Variants in NLGN1 observed in about 807,000 individuals in gnomAD.
NLGN1 encodes neuroligin 1.
A neutral mutation model predicts 65.5 loss-of-function variants in NLGN1; 12 were observed. The observed-to-expected ratio is 0.18, with a 90% CI of 0.12 to 0.30. NLGN1 has a LOEUF of 0.30. Ranked by LOEUF, NLGN1 falls within the 10% of genes least tolerant of loss-of-function variation. The pLI, the probability that NLGN1 is intolerant of heterozygous loss-of-function variation, is 1.00. For synonymous variants in NLGN1, 350 were observed against 359.5 expected, an observed-to-expected ratio of 0.97 and a Z score of 0.30; for missense variants, 750 against 1,007.1, an observed-to-expected ratio of 0.74 and a Z score of 3.46.
intron 4 of NLGN1, among the ~76,000 whole-genome samples, chr3:174,018,849 T>C (rs1727153269): frequency 6.6e-6 from 1 of 152,142 alleles, no homozygotes; most frequent in Non-Finnish European, 1.5e-5. Context: ...ATAATGTGAA[T>C]TATGTGTGTG....
chr3:173,603,519 A>G (rs1750896241), intron 2 of NLGN1, among the ~76,000 whole-genome samples: 1 of 152,246 alleles, frequency 6.6e-6, no homozygotes, highest in East Asian at 1.9e-4. Context: ...TAATTTTTGC[A>G]TTGCAAATTT....
intron 2 of NLGN1, among the ~76,000 whole-genome samples, chr3:173,576,132 A>G (rs923361208): frequency 1.3e-5 from 2 of 152,122 alleles, no homozygotes; most frequent in African/African-American, 4.8e-5. Context: ...TATATGTTGA[A>G]GTGATAATAT....
chr3:173,459,558 G>A (rs188231561), intron 2 of NLGN1, among the ~76,000 whole-genome samples: 1 of 152,162 alleles, frequency 6.6e-6, no homozygotes, highest in East Asian at 1.9e-4. Flanking sequence ...AGGTAAATGA[G>A]ATATTATTTC....
intron 4 of NLGN1, among the ~76,000 whole-genome samples, chr3:173,854,842 C>T (rs975534367): frequency 9.2e-5 from 14 of 152,076 alleles, no homozygotes; most frequent in Non-Finnish European, 1.3e-4. Flanking sequence ...GAACTTACAT[C>T]TCTCATTACA....
At chr3:173,996,320 A>T (rs1342181129) in intron 4 of NLGN1, among the ~76,000 whole-genome samples, 1 of 152,012 alleles carries the variant, frequency 6.6e-6, no homozygotes, top group Non-Finnish European at 1.5e-5. Flanking sequence ...GTGCTTCCCA[A>T]ACTGTCTGGT....
At chr3:173,977,655 A>G (rs1431589393) in intron 4 of NLGN1, among the ~76,000 whole-genome samples, 2 of 152,076 alleles carry the variant, frequency 1.3e-5, no homozygotes, top group African/African-American at 4.8e-5. Context: ...CTAGAAAAAA[A>G]AATGGACAAA....
chr3:173,676,893 C>G (rs1252178871), intron 3 of NLGN1, among the ~76,000 whole-genome samples: 1 of 152,058 alleles, frequency 6.6e-6, no homozygotes, highest in Non-Finnish European at 1.5e-5. Context: ...CTTTGATCAC[C>G]ATCCTTTTAC....
rs1711905787 is a variant in NLGN1 at position 173,788,819 on chromosome 3, A to G, written c.494-18861A>G. ...TACCATAATCCAGCCTGGGTTACAC[A>G]GCAAGACCTCATTTAAAAAAAAAAA... On this transcript the variant is annotated intron_variant, in intron 3 of 6. Coordinates refer to ENST00000457714, the Ensembl canonical transcript of NLGN1. Among the ~76,000 whole-genome samples the G allele has an allele frequency of 2.1e-5, 3 of 139,558 alleles. No homozygotes were observed. The South Asian group carries it at 7.3e-4, about 34-fold the overall frequency. The allele number at this position is 139,558 out of a possible 152,430, so 91.6% of individuals were successfully genotyped here. A position where few individuals can be genotyped will look rare whatever the true frequency, so the allele number is the denominator to read the frequency against.
At chr3:173,591,805 A>C (rs1481671765) in intron 2 of NLGN1, among the ~76,000 whole-genome samples, 1 of 152,094 alleles carries the variant, frequency 6.6e-6, no homozygotes, top group Admixed American at 6.6e-5. Flanking sequence ...AGACTGTAGC[A>C]CTCTTCTTAG....
At chr3:174,263,091 A>T (rs1747278796) in intron 4 of NLGN1, among the ~76,000 whole-genome samples, 1 of 145,148 alleles carries the variant, frequency 6.9e-6, no homozygotes, top group Non-Finnish European at 1.5e-5. Context: ...TGCTGAGGAG[A>T]GCTTTACTTC....
chr3:174,268,787 A>G (rs889707672), intron 4 of NLGN1, among the ~76,000 whole-genome samples: 8 of 152,066 alleles, frequency 5.3e-5, no homozygotes, highest in African/African-American at 1.7e-4. Context: ...CCCCGTGTCC[A>G]GCTGTCGGTA....
intron 4 of NLGN1, among the ~76,000 whole-genome samples, chr3:174,198,651 T>G (rs1403304850): frequency 6.6e-6 from 1 of 152,112 alleles, no homozygotes; most frequent in Non-Finnish European, 1.5e-5. Flanking sequence ...GATCTTATTT[T>G]TGTTCGTTTT....
At chr3:173,912,440 G>A (rs2152228190) in intron 4 of NLGN1, 1 of 152,258 alleles carries the variant, frequency 6.6e-6, no homozygotes, top group South Asian at 2.1e-4. Context: ...TGAGCTTCGA[G>A]TTTTCTCATT....
rs577522259 is a variant in NLGN1, at chr3:173,754,842, T to A, written c.494-52838T>A. ...ATTTACATGTCCAGAAAGTCACTATTTTTTTACCACTTTTTATGTCAACAC... is the reference window on the plus strand; with the variant it reads ...ATTTACATGTCCAGAAAGTCACTATATTTTTACCACTTTTTATGTCAACAC... On this transcript the variant is annotated intron_variant, in intron 3 of 6. Transcript: ENST00000457714. 2.0e-5 allele frequency among the ~76,000 whole-genome samples: 3 copies of A among 152,134 alleles called. No homozygotes were observed. In the South Asian group the frequency reaches 6.2e-4, roughly 32 times the overall value.
intron 4 of NLGN1, among the ~76,000 whole-genome samples, chr3:174,225,844 G>T (rs1002814666): frequency 6.6e-6 from 1 of 152,038 alleles, no homozygotes; most frequent in Non-Finnish European, 1.5e-5. Context: ...AGTATTTGGG[G>T]GGTTTTGTTT....
chr3:174,211,241 G>C (rs1367588279), intron 4 of NLGN1, among the ~76,000 whole-genome samples: 1 of 152,210 alleles, frequency 6.6e-6, no homozygotes, highest in Non-Finnish European at 1.5e-5. Flanking sequence ...TGCCAATGCT[G>C]GCTCTGGCAG....
intron 4 of NLGN1, among the ~76,000 whole-genome samples, chr3:174,061,185 G>A (rs1377858961): frequency 6.6e-6 from 1 of 152,032 alleles, no homozygotes; most frequent in Non-Finnish European, 1.5e-5. Flanking sequence ...ATTGTAAAAG[G>A]TCAAGCAGAA....
rs550491544 is a variant in NLGN1 at position 173,823,905 on chromosome 3, T to A, written c.646+16073T>A. Reference sequence around the variant, plus strand: ...TAATGAGTATTTTAAAATAATGTTATTTTCTTGTTAATTTAAAAAAAAAAA... The same window carrying A: ...TAATGAGTATTTTAAAATAATGTTAATTTCTTGTTAATTTAAAAAAAAAAA... On this transcript the variant is annotated intron_variant, in intron 4 of 6. Coordinates refer to ENST00000457714, the Ensembl canonical transcript of NLGN1. 2.3e-5 allele frequency among the ~76,000 whole-genome samples: 3 copies of A among 128,008 alleles called. No individual in the cohort carries two copies. In the South Asian group the frequency reaches 7.3e-4, roughly 31 times the overall value. The allele number at this position is 128,008 out of a possible 152,430, so 84.0% of individuals were successfully genotyped here. A position where few individuals can be genotyped will look rare whatever the true frequency, so the allele number is the denominator to read the frequency against.
intron 3 of NLGN1, among the ~76,000 whole-genome samples, chr3:173,705,554 G>C (rs1454369117): frequency 6.6e-6 from 1 of 152,062 alleles, no homozygotes; most frequent in Non-Finnish European, 1.5e-5. Context: ...GTAAGAAATT[G>C]GCTAATTAAA....
Sources: allele counts gnomAD v4.1 joint callset (sites outside exome capture counted in the v4.1 genomes callset), GRCh38; gene constraint gnomAD v4.1.1; transcripts MANE v1.5; gene names NCBI Gene and HGNC (gene_info 2026-07-23, HGNC 2026-07-21).